Variants in MYCBP2 observed in about 807,000 individuals in gnomAD.
The protein encoded by MYCBP2 is E3 ubiquitin-protein ligase MYCBP2.
A neutral mutation model predicts 525.3 loss-of-function variants in MYCBP2; 120 were observed. The observed-to-expected ratio is 0.23, with a 90% CI of 0.20 to 0.27. The LOEUF (loss-of-function observed/expected upper bound fraction) is 0.27. Ranked by LOEUF, MYCBP2 falls within the 10% of genes least tolerant of loss-of-function variation. The probability of loss-of-function intolerance (pLI) is 1.00; values close to 1 mark genes in which losing one functional copy is unlikely to be tolerated. For synonymous variants in MYCBP2, 1,894 were observed against 1,955.8 expected (o/e 0.97, Z 0.83); for missense variants, 4,149 against 5,657.1 (o/e 0.73, Z 8.55).
rs1322710703 is a variant in MYCBP2 at position 77,126,526 on chromosome 13, G to C, written c.7676C>G (p.Thr2559Ser). 6.2e-7 allele frequency: 1 copy of C among 1,612,488 alleles called. No individual in the cohort carries two copies. Among genetic ancestry groups the C allele is most frequent in the African/African-American group, 1.3e-5 (1 of 74,802 alleles). ...GTTTATGTCTTTGAAAAAGTCATCAGTATTAGTTTTAGATTCCTGAAAATT... is the reference window on the plus strand; with the variant it reads ...GTTTATGTCTTTGAAAAAGTCATCACTATTAGTTTTAGATTCCTGAAAATT... ...LVPVDESKTN[T>S]DDFFKDINSC... is the part of the protein sequence containing the mutation. Residue 2559 changes from threonine (T) to serine (S), a missense_variant, in exon 53 of 83, where the codon ACT becomes AGT. Physicochemically the swap from Thr to Ser is moderately conservative, Grantham distance 58. Around this residue, in one of 21 missense-constraint regions of MYCBP2, gnomAD observed 692 missense variants for 852.7 expected, o/e 0.81. Transcript: ENST00000544440.
intron 76 of MYCBP2, among the ~76,000 whole-genome samples, chr13:77,060,057 G>C (rs1487905180): frequency 6.6e-6 from 1 of 152,062 alleles, no homozygotes; most frequent in East Asian, 1.9e-4. Flanking sequence ...TATCATCAGA[G>C]TATGAAACTT....
rs756985123 is a variant in MYCBP2 at position 77,076,838 on chromosome 13, C to T, written c.11736G>A (p.Lys3912=). The T allele has an allele frequency of 6.2e-7, 1 of 1,611,190 alleles. No homozygotes were observed. Among genetic ancestry groups the T allele is most frequent in the Non-Finnish European group, 8.5e-7 (1 of 1,177,914 alleles). Residue 3912 remains lysine, a synonymous_variant, in exon 68 of 83, where the codon AAG becomes AAA. Coordinates refer to ENST00000544440, the MANE Select transcript of MYCBP2 (RefSeq NM_015057.5). The part of the protein sequence containing the change: ...FRLITSQVFG[K]LISGDAEPTP... The stretch of plus-strand genomic sequence containing the variant: ...TAGGTTCAGCATCTCCAGAGATGAG[C>T]TTTCCAAATACCTGATGAAGATATG...
rs373027753 is a variant in MYCBP2, at chr13:77,083,104, C to A, written c.10964G>T (p.Arg3655Leu). The A allele has an allele frequency of 6.2e-7, 1 of 1,613,466 alleles. No individual in the cohort carries two copies. Among genetic ancestry groups the A allele is most frequent in the Non-Finnish European group, 8.5e-7 (1 of 1,179,634 alleles). The change falls in exon 63 of 83, where the codon CGC (arginine) becomes CTC (leucine). Residue 3655 changes from arginine to leucine, a missense_variant. This residue lies in a region of MYCBP2 where 509 missense variants were observed against 789.4 expected (regional missense o/e 0.64). Coordinates refer to ENST00000544440, the MANE Select transcript of MYCBP2 (RefSeq NM_015057.5). ...AAGGTCTGAGATGGTCTGCAGCAAG[C>A]GGTGAAAGGTGTGTGGTAAAGGATG... Reference protein sequence around the residue: ...AAHPLPHTFHRLLQTISDLMM... With the variant: ...AAHPLPHTFHLLLQTISDLMM...
At chr13:77,306,901 A>C (rs1257274168) in intron 1 of MYCBP2, among the ~76,000 whole-genome samples, 1 of 152,174 alleles carries the variant, frequency 6.6e-6, no homozygotes, top group Non-Finnish European at 1.5e-5. Context: ...CAACAAGAAC[A>C]TGTGTATCAA....
chr13:77,230,909 C>T (rs1471845744), intron 18 of MYCBP2, among the ~76,000 whole-genome samples: 1 of 152,256 alleles, frequency 6.6e-6, no homozygotes, highest in African/African-American at 2.4e-5. Context: ...AGTTTCAGAT[C>T]TTGGAGCATT....
rs117535899 is a variant in MYCBP2 at position 77,275,706 on chromosome 13, A to G, written c.749-2038T>C. On this transcript the variant is annotated intron_variant, in intron 4 of 82. Coordinates refer to ENST00000544440, the MANE Select transcript of MYCBP2 (RefSeq NM_015057.5). ...TTAAGTTAAAAAAGGAATCTTGGCCAGGCGCAGTGGCTCATGCCTGTAATC... is the reference window on the plus strand; with the variant it reads ...TTAAGTTAAAAAAGGAATCTTGGCCGGGCGCAGTGGCTCATGCCTGTAATC... Among the ~76,000 whole-genome samples the G allele has an allele frequency of 5.5e-3, 831 of 152,312 alleles. 51 individuals are homozygous for G. The East Asian group carries it at 0.13, about 24-fold the overall frequency.
chr13:77,260,621 G>T lies in MYCBP2; in HGVS notation c.1853-29C>A, dbSNP rs559039071. 1.5e-5 allele frequency: 23 copies of T among 1,521,362 alleles called. No homozygotes were observed. In the South Asian group the frequency reaches 2.7e-4, roughly 18 times the overall value. The allele number at this position is 1,521,362 out of a possible 1,614,324, so 94.2% of individuals were successfully genotyped here. On this transcript the variant is annotated intron_variant, in intron 12 of 82. Transcript: ENST00000544440. ...TAAAAAAGAAATTAGATTAAATCAAGACCTCTATGTACAAATAATAATAAT... is the reference window on the plus strand; with the variant it reads ...TAAAAAAGAAATTAGATTAAATCAATACCTCTATGTACAAATAATAATAAT...
chr13:77,249,693 C>T (rs1594329984), intron 15 of MYCBP2, among the ~76,000 whole-genome samples: 2 of 152,106 alleles, frequency 1.3e-5, no homozygotes, highest in Admixed American at 6.6e-5. Context: ...CTACACCCAG[C>T]TAACACTGAA....
chr13:77,096,216 T>G, intron 57 of MYCBP2, 96 bp downstream of exon 57: 3 of 1,208,988 alleles, frequency 2.5e-6, no homozygotes, highest in Non-Finnish European at 3.4e-6. Flanking sequence ...TAATATCAAC[T>G]ATGTGGAATT....
At chr13:77,215,681 G>A (rs530800702) in intron 21 of MYCBP2, among the ~76,000 whole-genome samples, 1 of 152,208 alleles carries the variant, frequency 6.6e-6, no homozygotes, top group African/African-American at 2.4e-5. Flanking sequence ...CGACCTCCAG[G>A]GCTCAAGTGA....
intron 76 of MYCBP2, among the ~76,000 whole-genome samples, chr13:77,060,551 A>T (rs558247613): frequency 3.9e-5 from 6 of 152,362 alleles, no homozygotes; most frequent in Admixed American, 1.3e-4. Context: ...ATAACTTTGA[A>T]CTAGGAATAT....
chr13:77,157,251 T>G (rs1189032186), intron 45 of MYCBP2, among the ~76,000 whole-genome samples: 1 of 151,752 alleles, frequency 6.6e-6, no homozygotes, highest in Non-Finnish European at 1.5e-5. Flanking sequence ...CTAATTTTTG[T>G]ATTTTTTGCA....
chr13:77,302,881 T>A (rs1463441294), intron 1 of MYCBP2, among the ~76,000 whole-genome samples: 1 of 152,220 alleles, frequency 6.6e-6, no homozygotes, highest in Non-Finnish European at 1.5e-5. Context: ...TAAATTTGAA[T>A]GCATCCAGTA....
chr13:77,303,269 G>A (rs983827648), intron 1 of MYCBP2, among the ~76,000 whole-genome samples: 1 of 152,234 alleles, frequency 6.6e-6, no homozygotes, highest in Non-Finnish European at 1.5e-5. Context: ...AGAGGTGGCG[G>A]TTGCAGTGTG....
intron 20 of MYCBP2, among the ~76,000 whole-genome samples, chr13:77,221,363 T>C (rs1403232634): frequency 3.9e-5 from 6 of 152,200 alleles, no homozygotes; most frequent in Admixed American, 2.0e-4. Context: ...GTAATGTTTT[T>C]AGGTAATCTC....
intron 80 of MYCBP2, among the ~76,000 whole-genome samples, chr13:77,052,819 A>G (rs1477981359): frequency 6.6e-6 from 1 of 152,184 alleles, no homozygotes; most frequent in Non-Finnish European, 1.5e-5. Flanking sequence ...GCATCCTCTG[A>G]TCACACATTT....
chr13:77,193,054 G>C (rs564819377), intron 27 of MYCBP2, among the ~76,000 whole-genome samples: 2 of 152,052 alleles, frequency 1.3e-5, no homozygotes, highest in African/African-American at 4.8e-5. Flanking sequence ...GCTTAAATCC[G>C]GGAGGCAGAG....
At chr13:77,194,100 T>A in intron 27 of MYCBP2, 53 bp downstream of exon 27, 1 of 1,155,426 alleles carries the variant, frequency 8.7e-7, no homozygotes, top group South Asian at 1.6e-5. Flanking sequence ...TTATAATAAA[T>A]TTTTAATATT....
Position 77,185,234 on chromosome 13 carries a change from G to T in MYCBP2, c.4588C>A (p.Gln1530Lys). 1 of 1,614,112 alleles carries T rather than the reference G, an allele frequency of 6.2e-7. No homozygotes were observed. Among genetic ancestry groups the T allele is most frequent in the South Asian group, 1.1e-5 (1 of 91,064 alleles). The change falls in exon 32 of 83, where the codon CAA (glutamine) becomes AAA (lysine). Residue 1530 changes from glutamine (Q) to lysine (K), a missense_variant. By Grantham distance (53) the Gln-to-Lys change is moderately conservative. Around this residue, in one of 21 missense-constraint regions of MYCBP2, gnomAD observed 292 missense variants for 330.5 expected, o/e 0.88. Coordinates refer to ENST00000544440, the MANE Select transcript of MYCBP2 (RefSeq NM_015057.5). ...ACAGCTTCTAGAAGACTCAAGGGTT[G>T]ACTGAGATATCCTTGAGGATCATTA... is the stretch of plus-strand genomic sequence containing the variant. Reference protein sequence around the residue: ...LDNDPQGYLSQPLSLLEAVLQ... With the variant: ...LDNDPQGYLSKPLSLLEAVLQ...
Sources: allele counts gnomAD v4.1 joint callset (sites outside exome capture counted in the v4.1 genomes callset), GRCh38; gene constraint gnomAD v4.1.1; regional missense constraint gnomAD v4.1.1; transcripts MANE v1.5; gene names NCBI Gene and HGNC (gene_info 2026-07-23, HGNC 2026-07-21).